The following BRCA2 variants were observed in gnomAD, a reference collection of about 807,000 sequenced individuals.
BRCA2 encodes breast cancer type 2 susceptibility protein.
In BRCA2, 203 loss-of-function variants were observed where a neutral mutation model predicts 276.7. That is an observed-to-expected ratio of 0.73 (90% confidence interval 0.65 to 0.82). BRCA2 has a LOEUF of 0.82. Ranked by LOEUF, BRCA2 falls within the 40% of genes least tolerant of loss-of-function variation. BRCA2 has a pLI of 0.00. For missense variants in BRCA2, 3,920 were observed against 3,915.0 expected (o/e 1.00, Z -0.03); for synonymous variants, 1,289 against 1,338.4 (o/e 0.96, Z 0.81).
At chr13:32,326,195 G>A in intron 5 of BRCA2, 45 bp downstream of exon 5, 1 of 1,608,856 alleles carries the variant, frequency 6.2e-7, no homozygotes, top group African/African-American at 1.3e-5. Context: ...TACTAGAAAT[G>A]TTAATAAAAA....
In BRCA2 at chr13:32,337,605, A is replaced by G. The variant is rs369907107; in HGVS notation, c.3250A>G (p.Ser1084Gly). The change falls in exon 11 of 27, where the codon AGT becomes GGT. Residue 1084 changes from serine (S) to glycine (G), a missense_variant. Transcript: ENST00000380152. ...TGTAGTTGTTTCTGATTGTAAAAAT[A>G]GTCATATAACCCCTCAGATGTTATT... ...SSVVVSDCKN[S>G]HITPQMLFSK... 2 of 1,593,680 alleles carry G rather than the reference A, an allele frequency of 1.3e-6. No individual in the cohort carries two copies. Among genetic ancestry groups the G allele is most frequent in the African/African-American group, 1.4e-5 (1 of 74,024 alleles).
At position 32,362,746 on chromosome 13, in the gene BRCA2, T is replaced by A. The variant is rs1041668152; in HGVS notation, c.7976+53T>A. The A allele has an allele frequency of 4.8e-5, 76 of 1,592,958 alleles. No individual in the cohort carries two copies. The African/African-American group carries it at 9.5e-4, about 20-fold the overall frequency. On this transcript the variant is annotated intron_variant, in intron 17 of 26. Coordinates refer to ENST00000380152, the MANE Select transcript of BRCA2 (RefSeq NM_000059.4). The stretch of plus-strand genomic sequence containing the variant: ...TCATATACGGCAGTATGGTTAAGGT[T>A]TCTGTGTAGTCTGTGACTTCCATGT...
chr13:32,331,538 G>A (rs2072391504), intron 9 of BRCA2, among the ~76,000 whole-genome samples: 1 of 152,064 alleles, frequency 6.6e-6, no homozygotes, highest in Non-Finnish European at 1.5e-5. Context: ...ACTCCCACCT[G>A]GGCAACAGAG....
At position 32,336,526 on chromosome 13, in the gene BRCA2, A is replaced by G. The variant is rs587776461; in HGVS notation, c.2171A>G (p.Lys724Arg). ...EGQCENDPKSKKVSDIKEEVL... is the reference protein window; with the variant it reads ...EGQCENDPKSRKVSDIKEEVL... ...CAGTGTGAAAATGATCCAAAAAGCA[A>G]AAAAGTTTCAGATATAAAAGAAGAG... is the stretch of plus-strand genomic sequence containing the variant. Residue 724 changes from lysine (K) to arginine (R), a missense_variant, in exon 11 of 27, where the codon AAA becomes AGA. By Grantham distance (26) the Lys-to-Arg change is conservative. This residue lies in a region of BRCA2 where 3,263 missense variants were observed against 3,156.9 expected (regional missense o/e 1.03). Transcript: ENST00000380152. The G allele has an allele frequency of 1.2e-6, 2 of 1,614,118 alleles. No individual in the cohort carries two copies. Among genetic ancestry groups the G allele is most frequent in the Non-Finnish European group, 1.7e-6 (2 of 1,180,016 alleles).
rs886040653 is a variant in BRCA2 at position 32,340,740 on chromosome 13, G to T, written c.6385G>T (p.Glu2129Ter). 1 of 1,605,950 alleles carries T rather than the reference G, an allele frequency of 6.2e-7. No individual in the cohort carries two copies. Among genetic ancestry groups the T allele is most frequent in the Non-Finnish European group, 8.5e-7 (1 of 1,177,950 alleles). ...AGAAATGGAAAAAACCTGCAGTAAA[G>T]AATTTAAATTATCAAATAACTTAAA... ...NSEMEKTCSK[E>*]FKLSNNLNVE... The change falls in exon 11 of 27, where the codon GAA becomes TAA. Residue 2129 changes from glutamate (E) to a stop codon, truncating the protein, a stop_gained. Transcript: ENST00000380152. LOFTEE classifies it high-confidence loss of function.
chr13:32,394,702 C>G lies in BRCA2; in HGVS notation c.9270C>G (p.Phe3090Leu), dbSNP rs587780873. Residue 3090 changes from phenylalanine to leucine, a missense_variant, in exon 25 of 27, where the codon TTC becomes TTG. Coordinates refer to ENST00000380152, the MANE Select transcript of BRCA2 (RefSeq NM_000059.4). Reference sequence around the variant, plus strand: ...TTTCCATTCTAGGACTTGCCCCTTTCGTCTATTTGTCAGACGAATGTTACA... The same window carrying G: ...TTTCCATTCTAGGACTTGCCCCTTTGGTCTATTTGTCAGACGAATGTTACA... ...SVVKKTGLAPFVYLSDECYNL... is the reference protein window; with the variant it reads ...SVVKKTGLAPLVYLSDECYNL... The G allele has an allele frequency of 6.2e-7, 1 of 1,613,328 alleles. No homozygotes were observed. The highest frequency in any genetic ancestry group is 1.3e-5 in the African/African-American group (1 of 75,022).
Position 32,397,560 on chromosome 13 carries a change from A to G in BRCA2, c.9648+516A>G, listed in dbSNP as rs1228513336. 2.6e-5 allele frequency among the ~76,000 whole-genome samples: 3 copies of G among 113,988 alleles called. No homozygotes were observed. The East Asian group carries it at 8.2e-4, about 31-fold the overall frequency. 74.8% of individuals were successfully genotyped at this position (113,988 alleles called of 152,430 possible). The stretch of plus-strand genomic sequence containing the variant: ...ACTGATTTTAAGGGAAGTGATGTAT[A>G]ACAAAACCATTTTTTTTTCTCATCA... On this transcript the variant is annotated intron_variant, in intron 26 of 26. Transcript: ENST00000380152.
Position 32,394,906 on chromosome 13 carries a change from A to G in BRCA2, c.9474A>G (p.Thr3158=), listed in dbSNP as rs1060504608. ...ASPKEGHFQE[T]FNKMKNTVEN... ...CAAAAGAGGGCCACTTTCAAGAGAC[A>G]TTCAACAAAATGAAAAATACTGTTG... The change falls in exon 25 of 27, where the codon ACA becomes ACG. Residue 3158 remains threonine, a synonymous_variant. Transcript: ENST00000380152. 6.2e-7 allele frequency: 1 copy of G among 1,614,118 alleles called. No individual in the cohort carries two copies. Among genetic ancestry groups the G allele is most frequent in the Non-Finnish European group, 8.5e-7 (1 of 1,179,970 alleles).
At chr13:32,324,076 T>C (rs1222833753) in intron 3 of BRCA2, among the ~76,000 whole-genome samples, 3 of 152,366 alleles carry the variant, frequency 2.0e-5, no homozygotes, top group East Asian at 1.9e-4. Context: ...GTGACTAATA[T>C]ACCAGACATT....
rs786202210 is a variant in BRCA2, at chr13:32,355,140, G to A, written c.7287G>A (p.Glu2429=). The change falls in exon 14 of 27, where the codon GAG becomes GAA. Residue 2429 remains glutamate (E), a synonymous_variant. Transcript: ENST00000380152. ...VEQCVRNINL[E]ENRQKQNIDG... ...AGTGTGTTAGGAATATTAACTTGGA[G>A]GAAAACAGACAAAAGCAAAACATTG... 7.4e-6 allele frequency: 12 copies of A among 1,613,636 alleles called. No homozygotes were observed. Among genetic ancestry groups the A allele is most frequent in the African/African-American group, 1.3e-5 (1 of 74,890 alleles).
At chr13:32,328,184 T>C (rs889205923) in intron 7 of BRCA2, among the ~76,000 whole-genome samples, 2 of 152,012 alleles carry the variant, frequency 1.3e-5, no homozygotes, top group African/African-American at 4.8e-5. Flanking sequence ...ACATGAAAGA[T>C]TGGATAATAA....
In BRCA2 at chr13:32,333,160, G is replaced by A. The variant is rs1593893593; in HGVS notation, c.1682G>A (p.Gly561Glu). The change falls in exon 10 of 27, where the codon GGA becomes GAA. Residue 561 changes from glycine to glutamate, a missense_variant. Gly to Glu is a moderately conservative substitution (Grantham distance 98). Around this residue, in one of 2 missense-constraint regions of BRCA2, gnomAD observed 3,263 missense variants for 3,156.9 expected, o/e 1.03. Transcript: ENST00000380152. Reference protein sequence around the residue: ...DSLCPNLIDNGSWPATTTQNS... With the variant: ...DSLCPNLIDNESWPATTTQNS... Reference sequence around the variant, plus strand: ...TTATGTCCAAATTTAATTGATAATGGAAGCTGGCCAGCCACCACCACACAG... The same window carrying A: ...TTATGTCCAAATTTAATTGATAATGAAAGCTGGCCAGCCACCACCACACAG... 6.2e-7 allele frequency: 1 copy of A among 1,614,064 alleles called. No individual in the cohort carries two copies. The highest frequency in any genetic ancestry group is 1.1e-5 in the South Asian group (1 of 91,050).
chr13:32,367,754 T>A (rs2072794264), intron 18 of BRCA2, among the ~76,000 whole-genome samples: 1 of 149,300 alleles, frequency 6.7e-6, no homozygotes, highest in African/African-American at 2.5e-5. Context: ...GAGATCGTGC[T>A]ACTGCACTTC....
At chr13:32,349,082 C>T (rs1464019906) in intron 13 of BRCA2, among the ~76,000 whole-genome samples, 2 of 151,774 alleles carry the variant, frequency 1.3e-5, no homozygotes, top group African/African-American at 4.8e-5. Flanking sequence ...ATTAGCCAGG[C>T]GTGGTGGCAC....
chr13:32,358,183 A>C (rs1011639752), intron 16 of BRCA2, among the ~76,000 whole-genome samples: 2 of 152,182 alleles, frequency 1.3e-5, no homozygotes, highest in Non-Finnish European at 1.5e-5. Context: ...CCAATTTATA[A>C]AGTTAAATTT....
Position 32,336,551 on chromosome 13 carries a change from G to A in BRCA2, c.2196G>A (p.Glu732=), listed in dbSNP as rs1555282514. The part of the protein sequence containing the change: ...KSKKVSDIKE[E]VLAAACHPVQ... ...AAAAAGTTTCAGATATAAAAGAAGAGGTCTTGGCTGCAGCATGTCACCCAG... is the reference window on the plus strand; with the variant it reads ...AAAAAGTTTCAGATATAAAAGAAGAAGTCTTGGCTGCAGCATGTCACCCAG... The change falls in exon 11 of 27, where the codon GAG becomes GAA. Residue 732 remains glutamate (E), a synonymous_variant. Coordinates refer to ENST00000380152, the MANE Select transcript of BRCA2 (RefSeq NM_000059.4). The A allele has an allele frequency of 6.2e-7, 1 of 1,613,902 alleles. No homozygotes were observed. The highest frequency in any genetic ancestry group is 1.3e-5 in the African/African-American group (1 of 74,914).
intron 11 of BRCA2, among the ~76,000 whole-genome samples, chr13:32,343,072 A>C (rs1042298364): frequency 6.6e-6 from 1 of 151,708 alleles, no homozygotes; most frequent in African/African-American, 2.4e-5. Flanking sequence ...ATCTTATGGG[A>C]CCACTATTAA....
At position 32,333,366 on chromosome 13, in the gene BRCA2, AC is replaced by A. The variant is rs80359315; in HGVS notation, c.1889del (p.Thr630AsnfsTer14). 1.2e-6 allele frequency: 2 copies of A among 1,609,608 alleles called. No homozygotes were observed. Among genetic ancestry groups the A allele is most frequent in the Non-Finnish European group, 1.7e-6 (2 of 1,179,192 alleles). Reference protein sequence around the residue: ...FEANAFEAPLTFANADSGLLH... With the variant: ...FEANAFEAPLXFANADSGLLH... ...AGCAAATGCTTTTGAAGCACCACTTACATTTGCAAATGCTGATTCAGGTACC... is the reference window on the plus strand; with the variant it reads ...AGCAAATGCTTTTGAAGCACCACTTAATTTGCAAATGCTGATTCAGGTACC... On this transcript the variant is annotated frameshift_variant, in exon 10 of 27. Transcript: ENST00000380152. LOFTEE classifies it high-confidence loss of function.
rs1555284497 is a variant in BRCA2 at position 32,340,355 on chromosome 13, T to C, written c.6000T>C (p.Phe2000=). ...CATTACAAAACGCAAGACAAGTGTT[T>C]TCTGAAATAGAAGATAGTACCAAGC... ...DASLQNARQV[F]SEIEDSTKQV... is the part of the protein sequence containing the mutation. Residue 2000 remains phenylalanine (F), a synonymous_variant, in exon 11 of 27, where the codon TTT becomes TTC. Transcript: ENST00000380152. The C allele has an allele frequency of 2.5e-6, 4 of 1,614,038 alleles. No individual in the cohort carries two copies. Among genetic ancestry groups the C allele is most frequent in the Admixed American group, 3.3e-5 (2 of 60,028 alleles).
Sources: allele counts gnomAD v4.1 joint callset (sites outside exome capture counted in the v4.1 genomes callset), GRCh38; gene constraint gnomAD v4.1.1; regional missense constraint gnomAD v4.1.1; transcripts MANE v1.5; gene names NCBI Gene and HGNC (gene_info 2026-07-23, HGNC 2026-07-21).